CCDC192: variants seen among roughly 807,000 people sequenced by gnomAD.
CCDC192 encodes the protein coiled-coil domain containing 192.
At chr5:127,746,874 A>C (rs1014332835) in intron 2 of CCDC192, among the ~76,000 whole-genome samples, 111 of 152,210 alleles carry the variant, frequency 7.3e-4, no homozygotes, top group African/African-American at 2.5e-3. Flanking sequence ...CAGAGACTCA[A>C]GGTTCAATGT....
chr5:127,811,912 G>A (rs1758105205), intron 5 of CCDC192, among the ~76,000 whole-genome samples: 1 of 152,158 alleles, frequency 6.6e-6, no homozygotes, highest in East Asian at 1.9e-4. Flanking sequence ...TAAATTGGAT[G>A]AGTTGACTAA....
At chr5:127,709,320 C>G (rs1005209374) in intron 2 of CCDC192, among the ~76,000 whole-genome samples, 3 of 151,944 alleles carry the variant, frequency 2.0e-5, no homozygotes, top group African/African-American at 7.2e-5. Context: ...CACCAAGGCA[C>G]CAAGGGGATG....
chr5:127,723,273 A>G (rs1752128319), intron 2 of CCDC192, among the ~76,000 whole-genome samples: 1 of 152,194 alleles, frequency 6.6e-6, no homozygotes, highest in African/African-American at 2.4e-5. Context: ...CTGTTGGCAT[A>G]CAGAAATGTT....
intron 5 of CCDC192, among the ~76,000 whole-genome samples, chr5:127,856,024 G>A (rs1394882710): frequency 1.3e-5 from 2 of 152,218 alleles, no homozygotes; most frequent in East Asian, 1.9e-4. Flanking sequence ...TCACAAGAGA[G>A]TGAGCCTGCC....
At chr5:127,736,587 A>G (rs1254114654) in intron 2 of CCDC192, among the ~76,000 whole-genome samples, 1 of 151,868 alleles carries the variant, frequency 6.6e-6, no homozygotes, top group African/African-American at 2.4e-5. Context: ...TAAGCTATTG[A>G]TCATTGCCAC....
At chr5:127,905,964 G>T (rs1203978013) in intron 6 of CCDC192, among the ~76,000 whole-genome samples, 1 of 152,218 alleles carries the variant, frequency 6.6e-6, no homozygotes, top group Non-Finnish European at 1.5e-5. Flanking sequence ...TCAAAGGCAA[G>T]CTGGATTTGC....
chr5:127,754,424 A>G (rs984953134), intron 3 of CCDC192, 49 bp downstream of exon 3: 2 of 392,226 alleles, frequency 5.1e-6, no homozygotes, highest in African/African-American at 4.2e-5. Flanking sequence ...AGTGTGCAGC[A>G]TGGCAAGTGT....
intron 3 of CCDC192, chr5:127,786,263 TA>T: frequency 3.0e-6 from 2 of 660,362 alleles, no homozygotes; most frequent in South Asian, 3.4e-5. Context: ...GCCTCTGCCT[TA>T]TTCATATATT....
intron 4 of CCDC192, among the ~76,000 whole-genome samples, chr5:127,797,506 T>G (rs542870061): frequency 5.9e-5 from 9 of 151,992 alleles, no homozygotes; most frequent in African/African-American, 2.2e-4. Context: ...TAAATGGTAT[T>G]GACTGTACAA....
chr5:127,742,310 G>A (rs1441621508), intron 2 of CCDC192, among the ~76,000 whole-genome samples: 2 of 152,072 alleles, frequency 1.3e-5, no homozygotes, highest in African/African-American at 4.8e-5. Flanking sequence ...TAAAATCTGA[G>A]TCAACAATTT....
At chr5:127,717,258 T>C (rs1751675353) in intron 2 of CCDC192, among the ~76,000 whole-genome samples, 1 of 152,190 alleles carries the variant, frequency 6.6e-6, no homozygotes, top group African/African-American at 2.4e-5. Context: ...AGGACACAAA[T>C]AGTATGTAAA....
intron 5 of CCDC192, among the ~76,000 whole-genome samples, chr5:127,833,681 T>G (rs1749900350): frequency 6.6e-6 from 1 of 152,158 alleles, no homozygotes; most frequent in Admixed American, 6.6e-5. Flanking sequence ...CTGTTTGTGC[T>G]CCTAGAATTA....
At chr5:127,865,161 A>C (rs1454423215) in intron 5 of CCDC192, among the ~76,000 whole-genome samples, 1 of 152,184 alleles carries the variant, frequency 6.6e-6, no homozygotes, top group Non-Finnish European at 1.5e-5. Context: ...TAAAAAAATA[A>C]ATAAATAACT....
chr5:127,761,469 T>C (rs1176376010), intron 3 of CCDC192, among the ~76,000 whole-genome samples: 3 of 152,202 alleles, frequency 2.0e-5, no homozygotes, highest in Non-Finnish European at 4.4e-5. Flanking sequence ...CTGGGAAGTC[T>C]GGTTCCTGAG....
At chr5:127,850,080 AGG>A (rs1750728537) in intron 5 of CCDC192, among the ~76,000 whole-genome samples, 2 of 152,240 alleles carry the variant, frequency 1.3e-5, no homozygotes, top group Non-Finnish European at 2.9e-5. Flanking sequence ...TAAAGGCCGT[AGG>A]GATTATAGAG....
chr5:127,797,952 G>A (rs1580676012), intron 4 of CCDC192, among the ~76,000 whole-genome samples, 154 bp from the exon 5 acceptor site: 1 of 151,632 alleles, frequency 6.6e-6, no homozygotes, highest in South Asian at 2.1e-4. Flanking sequence ...TAGGAATGGG[G>A]GGATGATTTC....
chr5:127,724,555 A>T (rs1156293967), intron 2 of CCDC192, among the ~76,000 whole-genome samples: 1 of 151,458 alleles, frequency 6.6e-6, no homozygotes, highest in African/African-American at 2.4e-5. Flanking sequence ...TTTGTGGTTT[A>T]AAAAAAAAGT....
At chr5:127,788,083 G>GA (rs60238996) in intron 3 of CCDC192, among the ~76,000 whole-genome samples, 51,537 of 94,826 alleles carry the variant, frequency 0.54, 12,755 homozygotes, top group Non-Finnish European at 0.57. Flanking sequence ...CTTCACCTCA[G>GA]AAAAAAAAAA....
chr5:127,908,202 T>C (rs1753251537), intron 6 of CCDC192, among the ~76,000 whole-genome samples: 1 of 152,180 alleles, frequency 6.6e-6, no homozygotes, highest in Non-Finnish European at 1.5e-5. Context: ...CTTTTTTTTG[T>C]TTCCAGATAG....
Sources: allele counts gnomAD v4.1 joint callset (sites outside exome capture counted in the v4.1 genomes callset), GRCh38; gene constraint gnomAD v4.1.1; transcripts MANE v1.5; gene names NCBI Gene and HGNC (gene_info 2026-07-23, HGNC 2026-07-21).